The following FAM186A variants were observed in gnomAD, a reference collection of about 807,000 sequenced individuals.
FAM186A encodes the protein protein FAM186A.
In FAM186A, 163 loss-of-function variants were observed where a neutral mutation model predicts 216.8. The observed-to-expected ratio is 0.75, with a 90% confidence interval of 0.66 to 0.86. The LOEUF is 0.86. Among genes scored for constraint, FAM186A ranks in the 40% least tolerant of loss-of-function variants. The probability of loss-of-function intolerance (pLI) is 0.00; values close to 1 mark genes in which losing one functional copy is unlikely to be tolerated. For synonymous variants in FAM186A, 805 were observed against 1,025.3 expected (o/e 0.79, Z 4.10); for missense variants, 2,184 against 2,746.2 (o/e 0.80, Z 4.58).
At chr12:50,390,324 C>T (rs1206319666) in intron 1 of FAM186A, among the ~76,000 whole-genome samples, 1 of 152,158 alleles carries the variant, frequency 6.6e-6, no homozygotes, top group Non-Finnish European at 1.5e-5. Context: ...GGTCCTTCTT[C>T]AAGAGAACTT....
At chr12:50,361,268 C>T (rs982872882) in intron 2 of FAM186A, among the ~76,000 whole-genome samples, 6 of 151,992 alleles carry the variant, frequency 3.9e-5, no homozygotes, top group African/African-American at 1.4e-4. Flanking sequence ...GCGCAATCTC[C>T]ACTCACTGCA....
intron 1 of FAM186A, among the ~76,000 whole-genome samples, chr12:50,375,941 G>A (rs1943193672): frequency 6.6e-6 from 1 of 151,994 alleles, no homozygotes; most frequent in African/African-American, 2.4e-5. Context: ...GGTGAGCCAG[G>A]CATGGAGCAC....
intron 1 of FAM186A, among the ~76,000 whole-genome samples, chr12:50,385,762 C>T (rs1006200632): frequency 5.9e-5 from 9 of 151,716 alleles, no homozygotes; most frequent in South Asian, 4.2e-4. Context: ...CTTAGCCAGG[C>T]GTGGTGGCAG....
intron 4 of FAM186A, among the ~76,000 whole-genome samples, chr12:50,339,622 G>A (rs540247307): frequency 1.3e-5 from 2 of 152,108 alleles, no homozygotes; most frequent in African/African-American, 2.4e-5. Flanking sequence ...TTAAATACAA[G>A]TTCCTTAGCA....
chr12:50,334,079 T>C lies in FAM186A; in HGVS notation c.6528A>G (p.Lys2176=). Residue 2176 remains lysine, a synonymous_variant, in exon 5 of 8, where the codon AAA becomes AAG. Transcript: ENST00000327337. ...AGCCTTTCCCAGTATTTTGGATGGC[T>C]TTTAGTCGTTTCATTATGTTGTTCC... ...HARNNIMKRL[K]AIQNTGKGYE... 6.5e-7 allele frequency: 1 copy of C among 1,547,456 alleles called. No homozygotes were observed. Among genetic ancestry groups the C allele is most frequent in the Non-Finnish European group, 8.7e-7 (1 of 1,145,864 alleles).
At chr12:50,394,110 G>A (rs181066927) in intron 1 of FAM186A, among the ~76,000 whole-genome samples, 2 of 152,068 alleles carry the variant, frequency 1.3e-5, no homozygotes, top group East Asian at 3.9e-4. Flanking sequence ...AGTAGAGACC[G>A]GGTTTCACCA....
intron 1 of FAM186A, among the ~76,000 whole-genome samples, chr12:50,394,382 C>T (rs915512016): frequency 1.3e-5 from 2 of 151,856 alleles, no homozygotes; most frequent in African/African-American, 4.8e-5. Flanking sequence ...GAAACCCTGT[C>T]CCTACTAAAA....
chr12:50,331,813 C>T lies in FAM186A; in HGVS notation c.6705G>A (p.Lys2235=). The change falls in exon 6 of 8, where the codon AAG becomes AAA. Residue 2235 remains lysine (K), a synonymous_variant. Coordinates refer to ENST00000327337, the MANE Select transcript of FAM186A (RefSeq NM_001145475.3). ...KMIHVFNQLK[K]IHELNLSQPI... is the part of the protein sequence containing the mutation. Reference sequence around the variant, plus strand: ...GTTGACTAAGATTCAATTCATGTATCTTTTTGAGCTATAAAAAAAAATAGA... The same window carrying T: ...GTTGACTAAGATTCAATTCATGTATTTTTTTGAGCTATAAAAAAAAATAGA... 1 of 1,518,142 alleles carries T rather than the reference C, an allele frequency of 6.6e-7. No individual in the cohort carries two copies. The highest frequency in any genetic ancestry group is 2.5e-5 in the East Asian group (1 of 40,624). The allele number at this position is 1,518,142 out of a possible 1,614,324, so 94.0% of individuals were successfully genotyped here.
intron 1 of FAM186A, among the ~76,000 whole-genome samples, chr12:50,394,625 C>T (rs561056441): frequency 6.6e-6 from 1 of 151,072 alleles, no homozygotes; most frequent in Non-Finnish European, 1.5e-5. Context: ...AGAGGTCTTA[C>T]TATGTTGCCC....
rs573614231 is a variant in FAM186A, at chr12:50,356,023, G to A, written c.809C>T (p.Thr270Ile). The A allele has an allele frequency of 6.4e-6, 10 of 1,551,474 alleles. No homozygotes were observed. Among genetic ancestry groups the A allele is most frequent in the African/African-American group, 1.4e-5 (1 of 73,026 alleles). The change falls in exon 4 of 8, where the codon ACA becomes ATA. Residue 270 changes from threonine (T) to isoleucine (I), a missense_variant. Coordinates refer to ENST00000327337, the MANE Select transcript of FAM186A (RefSeq NM_001145475.3). ...TTCATCATTTAGCATACTCAAAGCT[G>A]TAGAAAGGTTTACTATTGTTGATGA... Reference protein sequence around the residue: ...YISSTIVNLSTALSMLNDELK... With the variant: ...YISSTIVNLSIALSMLNDELK...
At chr12:50,386,329 G>A (rs1943303295) in intron 1 of FAM186A, among the ~76,000 whole-genome samples, 1 of 152,012 alleles carries the variant, frequency 6.6e-6, no homozygotes, top group African/African-American at 2.4e-5. Context: ...TAGGGAGGCA[G>A]GAGAATCGCT....
At chr12:50,377,204 C>A (rs1943206495) in intron 1 of FAM186A, among the ~76,000 whole-genome samples, 1 of 152,090 alleles carries the variant, frequency 6.6e-6, no homozygotes, top group Non-Finnish European at 1.5e-5. Context: ...TAATGACGGA[C>A]AAATACATGA....
intron 3 of FAM186A, among the ~76,000 whole-genome samples, chr12:50,359,558 C>T (rs1347231978): frequency 6.6e-6 from 1 of 152,050 alleles, no homozygotes; most frequent in Non-Finnish European, 1.5e-5. Flanking sequence ...CCTAGCAATT[C>T]GACTCCTAGC....
intron 1 of FAM186A, among the ~76,000 whole-genome samples, chr12:50,371,397 G>A (rs544143273): frequency 1.1e-4 from 17 of 152,166 alleles, no homozygotes; most frequent in South Asian, 4.1e-4. Context: ...GATTACAGGC[G>A]TGAGCCACCG....
intron 7 of FAM186A, among the ~76,000 whole-genome samples, chr12:50,328,701 G>A (rs1291922806): frequency 6.6e-6 from 1 of 151,902 alleles, no homozygotes; most frequent in African/African-American, 2.4e-5. Context: ...TAGAGACAGG[G>A]TTTCACCAAG....
chr12:50,327,825 G>A (rs747187080), intron 7 of FAM186A, among the ~76,000 whole-genome samples: 26 of 152,080 alleles, frequency 1.7e-4, no homozygotes, highest in Non-Finnish European at 3.4e-4. Flanking sequence ...GATTACAGGT[G>A]TGAGCCACTG....
At chr12:50,386,483 A>G (rs1304677480) in intron 1 of FAM186A, among the ~76,000 whole-genome samples, 1 of 152,154 alleles carries the variant, frequency 6.6e-6, no homozygotes, top group Non-Finnish European at 1.5e-5. Flanking sequence ...TGCATTAAGT[A>G]GTTGGATCTA....
chr12:50,383,475 A>G (rs182138995), intron 1 of FAM186A, among the ~76,000 whole-genome samples: 15 of 152,136 alleles, frequency 9.9e-5, no homozygotes, highest in African/African-American at 3.4e-4. Context: ...GCACACCTGT[A>G]GTTCCAGCAA....
At chr12:50,364,570 T>TAAAG (rs1387118710) in intron 1 of FAM186A, among the ~76,000 whole-genome samples, 1 of 147,022 alleles carries the variant, frequency 6.8e-6, no homozygotes, top group African/African-American at 2.5e-5. Context: ...AATAAATAAA[T>TAAAG]AAATAAATAA....
Sources: allele counts gnomAD v4.1 joint callset (sites outside exome capture counted in the v4.1 genomes callset), GRCh38; gene constraint gnomAD v4.1.1; transcripts MANE v1.5; gene names NCBI Gene and HGNC (gene_info 2026-07-23, HGNC 2026-07-21).